The following ZBTB41 variants were observed in gnomAD, a reference collection of about 807,000 sequenced individuals.
The protein encoded by ZBTB41 is zinc finger and BTB domain-containing protein 41.
Under a neutral mutation model 87.6 loss-of-function variants are expected in ZBTB41, and 42 were observed. The ratio of observed to expected loss-of-function variants is 0.48; its 90% CI spans 0.37 to 0.62. ZBTB41 has a LOEUF of 0.62. Among genes scored for constraint, ZBTB41 ranks in the 20% least tolerant of loss-of-function variants. The pLI is 0.00. For synonymous variants in ZBTB41, 364 were observed against 364.0 expected (o/e 1.00, Z 0.00); for missense variants, 799 against 1,078.9 (o/e 0.74, Z 3.63).
chr1:197,172,182 T>C lies in ZBTB41; in HGVS notation c.2052A>G (p.Glu684=). ...KKIFKGKSSL[E]MHFRTHSGEK... ...TACCTGAATGCGTTCGAAAATGCAT[T>C]TCCAGACTTGATTTGCCTTTAAAAA... Residue 684 remains glutamate, a synonymous_variant, in exon 10 of 11, where the codon GAA becomes GAG. Coordinates refer to ENST00000367405, the MANE Select transcript of ZBTB41 (RefSeq NM_194314.3). The C allele has an allele frequency of 7.0e-7, 1 of 1,433,028 alleles. No individual in the cohort carries two copies. The highest frequency in any genetic ancestry group is 9.3e-7 in the Non-Finnish European group (1 of 1,080,142). The allele number at this position is 1,433,028 out of a possible 1,614,324, so 88.8% of individuals were successfully genotyped here.
intron 5 of ZBTB41, among the ~76,000 whole-genome samples, chr1:197,181,535 AG>A (rs1659747852): frequency 6.6e-6 from 1 of 152,200 alleles, no homozygotes; most frequent in Non-Finnish European, 1.5e-5. Flanking sequence ...GGCCTCTCAT[AG>A]TAACACTGAC....
chr1:197,184,520 T>A (rs1010299774), intron 5 of ZBTB41, among the ~76,000 whole-genome samples: 1 of 152,222 alleles, frequency 6.6e-6, no homozygotes, highest in African/African-American at 2.4e-5. Flanking sequence ...TTTGTCAATA[T>A]CCATCTTAAA....
intron 5 of ZBTB41, among the ~76,000 whole-genome samples, chr1:197,181,417 A>C (rs140444301): frequency 6.6e-5 from 10 of 152,274 alleles, no homozygotes; most frequent in African/African-American, 2.2e-4. Context: ...CTGCATACTA[A>C]AGTTTTTGGG....
intron 4 of ZBTB41, among the ~76,000 whole-genome samples, chr1:197,188,678 G>C (rs1659944886): frequency 6.6e-6 from 1 of 152,112 alleles, no homozygotes. Flanking sequence ...TTCTAGTAGG[G>C]ATACAGAATA....
chr1:197,165,453 C>A (rs1054831204), intron 10 of ZBTB41, among the ~76,000 whole-genome samples: 1 of 151,128 alleles, frequency 6.6e-6, no homozygotes, highest in South Asian at 2.1e-4. Context: ...ACTAAAAATG[C>A]AAAAAAATTA....
chr1:197,161,718 G>C (rs1659204216), intron 10 of ZBTB41, among the ~76,000 whole-genome samples: 1 of 152,020 alleles, frequency 6.6e-6, no homozygotes, highest in African/African-American at 2.4e-5. Context: ...TATAATCAGA[G>C]ATAATAAGGA....
intron 2 of ZBTB41, among the ~76,000 whole-genome samples, chr1:197,195,921 G>A (rs1301580078): frequency 6.6e-6 from 1 of 152,120 alleles, no homozygotes; most frequent in Non-Finnish European, 1.5e-5. Flanking sequence ...TGGAACTAAT[G>A]GTTCCAGCAG....
rs1284575140 is a variant in ZBTB41, at chr1:197,200,368, A to C, written c.106T>G (p.Tyr36Asp). Residue 36 changes from tyrosine to aspartate, a missense_variant, in exon 2 of 11, where the codon TAT becomes GAT. Physicochemically the swap from Tyr to Asp is radical, Grantham distance 160. Around this residue, in one of 5 missense-constraint regions of ZBTB41, gnomAD observed 77 missense variants for 68.4 expected, o/e 1.13. Transcript: ENST00000367405. ...GTTGGTCTTCCTGCAGAATGAGTAT[A>C]GGTCACTTGGTCACACTCCACTGCA... ...NVAVECDQVT[Y>D]THSAGRPTPE... The C allele has an allele frequency of 6.2e-7, 1 of 1,614,194 alleles. No homozygotes were observed. The highest frequency in any genetic ancestry group is 8.5e-7 in the Non-Finnish European group (1 of 1,180,026).
intron 2 of ZBTB41, among the ~76,000 whole-genome samples, chr1:197,196,376 T>G (rs900116824): frequency 3.3e-5 from 5 of 152,184 alleles, no homozygotes; most frequent in Admixed American, 2.6e-4. Flanking sequence ...ACCAGTCTAC[T>G]TAGTCTACAT....
At position 197,159,404 on chromosome 1, in the gene ZBTB41, G is replaced by A. The variant is rs140474865; in HGVS notation, c.2685C>T (p.Ser895=). ...SYLGTLLGLD[S]TTGVQNISTN... ...TAGAAATATTTTGAACACCAGTAGT[G>A]CTATCAAGGCCCAGTAATGTTCCAA... is the stretch of plus-strand genomic sequence containing the variant. Residue 895 remains serine, a synonymous_variant, in exon 11 of 11, where the codon AGC becomes AGT. Coordinates refer to ENST00000367405, the MANE Select transcript of ZBTB41 (RefSeq NM_194314.3). 1.9e-3 allele frequency: 3,023 copies of A among 1,613,806 alleles called. No individual in the cohort carries two copies. The highest frequency in any genetic ancestry group is 2.2e-3 in the Non-Finnish European group (2,652 of 1,179,746).
rs780306254 is a variant in ZBTB41 at position 197,199,946 on chromosome 1, GTTAT to G, written c.524_527del (p.Asn175ThrfsTer11). 3.1e-6 allele frequency: 5 copies of G among 1,612,858 alleles called. No homozygotes were observed. The highest frequency in any genetic ancestry group is 2.2e-5 in the South Asian group (2 of 90,894). On this transcript the variant is annotated frameshift_variant, in exon 2 of 11. Coordinates refer to ENST00000367405, the MANE Select transcript of ZBTB41 (RefSeq NM_194314.3). LOFTEE classifies it high-confidence loss of function. ...CTGAATGAAAAGGGGCAACATTTTC[GTTAT>G]TTAACAACTTCACTGCATCTATAAT...
rs966068073 is a variant in ZBTB41 at position 197,155,625 on chromosome 1, A to G, written c.*3734T>C. The G allele has an allele frequency of 1.3e-5, 2 of 152,392 alleles. No individual in the cohort carries two copies. Among genetic ancestry groups the G allele is most frequent in the Admixed American group, 1.3e-4 (2 of 15,256 alleles). 9.4% of individuals were successfully genotyped at this position (152,392 alleles called of 1,614,324 possible). On this transcript the variant is annotated 3_prime_UTR_variant, in exon 11 of 11. Transcript: ENST00000367405. ...TAATTTGTTTGCAATTATATTGAAA[A>G]GCAACCAATGATAATTACTTATTAA...
chr1:197,159,023 G>A lies in ZBTB41; in HGVS notation c.*336C>T, dbSNP rs141765942. The A allele has an allele frequency of 3.7e-3, 936 of 251,796 alleles. 12 individuals are homozygous for A. The highest frequency in any genetic ancestry group is 0.02 in the African/African-American group (886 of 43,364). The allele number at this position is 251,796 out of a possible 1,614,324, so 15.6% of individuals were successfully genotyped here. ...CTAGGAAGAAGAAGGAGAGGAATGA[G>A]ACTAAAGAAGAATAAAAATTTCCAC... On this transcript the variant is annotated 3_prime_UTR_variant, in exon 11 of 11. Coordinates refer to ENST00000367405, the MANE Select transcript of ZBTB41 (RefSeq NM_194314.3).
Position 197,199,278 on chromosome 1 carries a change from A to T in ZBTB41, c.1120+76T>A, listed in dbSNP as rs145837128. 205 of 1,358,120 alleles carry T rather than the reference A, an allele frequency of 1.5e-4. 1 individual carries two copies. In the African/African-American group the frequency reaches 2.6e-3, roughly 17 times the overall value. The allele number at this position is 1,358,120 out of a possible 1,614,324, so 84.1% of individuals were successfully genotyped here. On this transcript the variant is annotated intron_variant, in intron 2 of 10. Coordinates refer to ENST00000367405, the MANE Select transcript of ZBTB41 (RefSeq NM_194314.3). ...TTTTTAGAAGTTACTTTCCAAGTTTAGTTTTTATTTATCACCTTTAAAATA... is the reference window on the plus strand; with the variant it reads ...TTTTTAGAAGTTACTTTCCAAGTTTTGTTTTTATTTATCACCTTTAAAATA...
intron 10 of ZBTB41, among the ~76,000 whole-genome samples, chr1:197,166,834 G>A (rs990239696): frequency 1.3e-5 from 2 of 152,108 alleles, no homozygotes; most frequent in African/African-American, 4.8e-5. Flanking sequence ...GCGACAGAGT[G>A]AGACTCGGTC....
intron 2 of ZBTB41, among the ~76,000 whole-genome samples, chr1:197,192,516 T>G (rs1040780871): frequency 1.3e-5 from 2 of 152,248 alleles, no homozygotes; most frequent in Non-Finnish European, 2.9e-5. Context: ...TATCAATTAC[T>G]GTTGTCTATT....
chr1:197,165,596 C>T (rs927774533), intron 10 of ZBTB41, among the ~76,000 whole-genome samples: 5 of 147,778 alleles, frequency 3.4e-5, no homozygotes, highest in South Asian at 4.3e-4. Context: ...GGTGACAGAG[C>T]GAGACTCTAT....
intron 4 of ZBTB41, among the ~76,000 whole-genome samples, chr1:197,190,293 T>G (rs1201257757): frequency 1.3e-5 from 2 of 152,022 alleles, no homozygotes; most frequent in Non-Finnish European, 2.9e-5. Flanking sequence ...CTGAGTGACT[T>G]CAGCTGACAA....
intron 7 of ZBTB41, among the ~76,000 whole-genome samples, 192 bp downstream of exon 7, chr1:197,178,225 T>C (rs995756436): frequency 2.0e-5 from 3 of 151,824 alleles, no homozygotes; most frequent in African/African-American, 7.3e-5. Context: ...TATTTAATAA[T>C]ATTTTATACC....
Sources: gnomAD v4.1 joint callset for allele counts (sites outside exome capture counted in the v4.1 genomes callset) on GRCh38, gnomAD v4.1.1 for gene constraint, gnomAD v4.1.1 regional missense constraint, MANE v1.5 for transcripts, NCBI Gene and HGNC (gene_info 2026-07-23, HGNC 2026-07-21) for gene names.